EFHB: variants seen among roughly 807,000 people sequenced by gnomAD.
EFHB encodes EF-hand domain family member B, also known as EF-hand domain-containing family member B.
In EFHB, 91 loss-of-function variants were observed where a neutral mutation model predicts 87.2. The observed-to-expected ratio is 1.04, with a 90% confidence interval of 0.88 to 1.24. The LOEUF (loss-of-function observed/expected upper bound fraction) is 1.24. EFHB is among the 50% of genes most tolerant of loss of function. EFHB has a pLI of 0.00. For synonymous variants in EFHB, 325 were observed against 333.6 expected (o/e 0.97, Z 0.28); for missense variants, 1,084 against 998.8 (o/e 1.09, Z -1.15).
Position 19,900,926 on chromosome 3 carries a change from C to CAAA in EFHB, c.1419-1414_1419-1412dup, listed in dbSNP as rs35992446. Among the ~76,000 whole-genome samples, 772 of 135,164 alleles carry CAAA rather than the reference C, an allele frequency of 5.7e-3. 3 individuals carry two copies. The highest frequency in any genetic ancestry group is 0.02 in the African/African-American group (753 of 37,366). 88.7% of individuals were successfully genotyped at this position (135,164 alleles called of 152,430 possible). ...CCTGGGCAACAAAGTGAGCCTGTCT[C>CAAA]AAAAAAAAAAAAAATGTAGAAAAGT... On this transcript the variant is annotated intron_variant, in intron 6 of 12. Coordinates refer to ENST00000295824, the MANE Select transcript of EFHB (RefSeq NM_144715.4).
In EFHB at chr3:19,899,413, A is replaced by C. The variant is rs190369512; in HGVS notation, c.1502+19T>G. 2.2e-4 allele frequency: 345 copies of C among 1,555,128 alleles called. 2 individuals are homozygous for C. The East Asian group carries it at 6.1e-3, about 27-fold the overall frequency. ...TCTATGCAAAGAAACTATCAATTTG[A>C]AGTTAATCATTAACTTACGGATCTA... is the stretch of plus-strand genomic sequence containing the variant. On this transcript the variant is annotated intron_variant, in intron 7 of 12. Coordinates refer to ENST00000295824, the MANE Select transcript of EFHB (RefSeq NM_144715.4).
chr3:19,924,054 G>A (rs1002855179), intron 1 of EFHB, among the ~76,000 whole-genome samples: 5 of 152,098 alleles, frequency 3.3e-5, no homozygotes, highest in African/African-American at 1.2e-4. Flanking sequence ...AACAAAGTGA[G>A]ACCCTTATCT....
At chr3:19,923,668 C>A (rs1695516305) in intron 1 of EFHB, among the ~76,000 whole-genome samples, 1 of 152,134 alleles carries the variant, frequency 6.6e-6, no homozygotes, top group African/African-American at 2.4e-5. Context: ...AGCCACCACG[C>A]CCAGCCTGCC....
chr3:19,933,551 T>C lies in EFHB; in HGVS notation c.468A>G (p.Glu156=), dbSNP rs776024530. ...TAACGAAAGCAGGCTTTCCCACTAA[T>C]TCCTCTACCCCTTCAGGGCCACTAG... ...PLASGPEGVE[E]LVGKPAFVME... The change falls in exon 1 of 13, where the codon GAA becomes GAG. Residue 156 remains glutamate, a synonymous_variant. Coordinates refer to ENST00000295824, the MANE Select transcript of EFHB (RefSeq NM_144715.4). The C allele has an allele frequency of 6.2e-7, 1 of 1,613,998 alleles. No individual in the cohort carries two copies. The highest frequency in any genetic ancestry group is 8.5e-7 in the Non-Finnish European group (1 of 1,179,874).
chr3:19,934,355 T>G (rs547466008), upstream of EFHB: 4 of 865,486 alleles, frequency 4.6e-6, no homozygotes, highest in South Asian at 9.0e-5. Flanking sequence ...CCTCTGTCTC[T>G]CTCTCTCCCC....
chr3:19,918,875 G>T (rs1185302485), intron 3 of EFHB, among the ~76,000 whole-genome samples: 1 of 150,784 alleles, frequency 6.6e-6, no homozygotes, highest in African/African-American at 2.4e-5. Flanking sequence ...AGCTACTCAG[G>T]AGTCTGAGGC....
upstream of EFHB, among the ~76,000 whole-genome samples, chr3:19,936,814 G>C (rs138407856): frequency 7.8e-3 from 1,185 of 151,682 alleles, 10 homozygotes; most frequent in Non-Finnish European, 0.013. Flanking sequence ...GTTGCAGTGA[G>C]CCAAGATTGC....
Position 19,899,134 on chromosome 3 carries a change from G to A in EFHB, c.1503-289C>T, listed in dbSNP as rs78119232. On this transcript the variant is annotated intron_variant, in intron 7 of 12. Coordinates refer to ENST00000295824, the MANE Select transcript of EFHB (RefSeq NM_144715.4). ...GTATAAATAGAGAGCAAGACAGACA[G>A]ACAGGAAAGACAAAGAAAAATATAA... Among the ~76,000 whole-genome samples, 835 of 152,232 alleles carry A rather than the reference G, an allele frequency of 5.5e-3. 5 individuals are homozygous for A. Among genetic ancestry groups the A allele is most frequent in the African/African-American group, 0.02 (814 of 41,538 alleles).
chr3:19,944,798 G>A (rs984248630), intron 1 of EFHB, among the ~76,000 whole-genome samples: 9 of 152,198 alleles, frequency 5.9e-5, no homozygotes, highest in East Asian at 1.9e-4. Flanking sequence ...CTTAATGTTC[G>A]TGATTCTAAA....
chr3:19,884,065 A>G (rs2071749314), intron 11 of EFHB, among the ~76,000 whole-genome samples: 1 of 152,224 alleles, frequency 6.6e-6, no homozygotes, highest in African/African-American at 2.4e-5. Flanking sequence ...GAAGGCAGAT[A>G]TGTATGGAGC....
chr3:19,910,520 G>T (rs1378713512), intron 5 of EFHB, among the ~76,000 whole-genome samples: 1 of 152,160 alleles, frequency 6.6e-6, no homozygotes, highest in African/African-American at 2.4e-5. Context: ...CAGGGCCTGG[G>T]GGACCTCACC....
upstream of EFHB, among the ~76,000 whole-genome samples, chr3:19,938,191 G>A (rs1166817114): frequency 6.6e-6 from 1 of 152,236 alleles, no homozygotes; most frequent in East Asian, 1.9e-4. Context: ...AAAGGGCTGT[G>A]ATTGACTGGG....
At chr3:19,910,973 T>C (rs1177740527) in intron 5 of EFHB, among the ~76,000 whole-genome samples, 1 of 152,176 alleles carries the variant, frequency 6.6e-6, no homozygotes, top group Non-Finnish European at 1.5e-5. Flanking sequence ...ATTTCCAAGA[T>C]GAATGGGTAC....
intron 5 of EFHB, among the ~76,000 whole-genome samples, chr3:19,909,394 C>T (rs900880908): frequency 6.6e-6 from 1 of 152,182 alleles, no homozygotes; most frequent in Admixed American, 6.5e-5. Context: ...AAGGAATTGC[C>T]AATCCCAGTA....
intron 1 of EFHB, among the ~76,000 whole-genome samples, chr3:19,939,414 A>G (rs184057414): frequency 0.19 from 18,889 of 96,952 alleles, 1,956 homozygotes; most frequent in Middle Eastern, 0.32. Flanking sequence ...ATGGAGTCTC[A>G]CTCTGTCGCG....
At position 19,884,623 on chromosome 3, in the gene EFHB, G is replaced by A. The variant is rs1411240184; in HGVS notation, c.1934-8C>T. ...CACAATCTGGTTTTCTACCTTTAAG[G>A]AAAATAAATGAAAGAAAAAATGCAG... is the stretch of plus-strand genomic sequence containing the variant. On this transcript the variant is annotated splice_region_variant and splice_polypyrimidine_tract_variant and intron_variant, in intron 10 of 12. Coordinates refer to ENST00000295824, the MANE Select transcript of EFHB (RefSeq NM_144715.4). The A allele has an allele frequency of 2.4e-5, 38 of 1,607,550 alleles. No individual in the cohort carries two copies. The highest frequency in any genetic ancestry group is 6.7e-5 in the African/African-American group (5 of 74,302).
Position 19,882,726 on chromosome 3 carries a change from G to C in EFHB, c.2152C>G (p.Pro718Ala). The C allele has an allele frequency of 1.9e-6, 3 of 1,610,454 alleles. No homozygotes were observed. The highest frequency in any genetic ancestry group is 2.5e-6 in the Non-Finnish European group (3 of 1,177,888). Residue 718 changes from proline to alanine, a missense_variant, in exon 12 of 13, where the codon CCC becomes GCC. Physicochemically the swap from Pro to Ala is conservative, Grantham distance 27. Coordinates refer to ENST00000295824, the MANE Select transcript of EFHB (RefSeq NM_144715.4). ...IVGAIPSTCY[P>A]ICGVPTIRSD... is the part of the protein sequence containing the mutation. ...CGAATGGTTGGAACACCACAAATGG[G>C]GTAACCTAGGTCATTGATGAGGGAA...
In EFHB at chr3:19,933,284, G is replaced by A; in HGVS notation, c.735C>T (p.Arg245=). The A allele has an allele frequency of 1.9e-6, 3 of 1,613,992 alleles. No individual in the cohort carries two copies. Among genetic ancestry groups the A allele is most frequent in the Non-Finnish European group, 2.5e-6 (3 of 1,179,886 alleles). Residue 245 remains arginine, a synonymous_variant, in exon 1 of 13, where the codon CGC becomes CGT. Coordinates refer to ENST00000295824, the MANE Select transcript of EFHB (RefSeq NM_144715.4). ...ACTTCCCAGAGTATATGGGTCTGATGCGATCTGGAGGTTCCACTCCTGATT... is the reference window on the plus strand; with the variant it reads ...ACTTCCCAGAGTATATGGGTCTGATACGATCTGGAGGTTCCACTCCTGATT... The part of the protein sequence containing the change: ...NIESGVEPPD[R]IRPIYSGKFF...
At position 19,933,499 on chromosome 3, in the gene EFHB, C is replaced by A; in HGVS notation, c.520G>T (p.Glu174Ter). Reference sequence around the variant, plus strand: ...GGTTTCATTAAAACACAGGTAGACTCTTTTTCCATTTCCTGTCTTGGTTCC... The same window carrying A: ...GGTTTCATTAAAACACAGGTAGACTATTTTTCCATTTCCTGTCTTGGTTCC... ...VMEPRQEMEK[E>*]STCVLMKPNT... Residue 174 changes from glutamate to a stop codon, truncating the protein, a stop_gained, in exon 1 of 13, where the codon GAG (glutamate) becomes TAG (stop). Transcript: ENST00000295824. LOFTEE classifies it high-confidence loss of function. 6.2e-7 allele frequency: 1 copy of A among 1,613,992 alleles called. No individual in the cohort carries two copies. Among genetic ancestry groups the A allele is most frequent in the Non-Finnish European group, 8.5e-7 (1 of 1,179,892 alleles).
Sources: allele counts gnomAD v4.1 joint callset (sites outside exome capture counted in the v4.1 genomes callset), GRCh38; gene constraint gnomAD v4.1.1; transcripts MANE v1.5; gene names NCBI Gene and HGNC (gene_info 2026-07-23, HGNC 2026-07-21).